EIF3B: variants seen among roughly 807,000 people sequenced by gnomAD.
The protein encoded by EIF3B is eukaryotic translation initiation factor 3 subunit B, also known as eukaryotic translation initiation factor 3 subunit 9.
Under a neutral mutation model 104.6 loss-of-function variants are expected in EIF3B, and 10 were observed. The ratio of observed to expected loss-of-function variants is 0.10; its 90% CI spans 0.06 to 0.16. EIF3B has a LOEUF of 0.16. Among genes scored for constraint, EIF3B ranks in the 10% least tolerant of loss-of-function variants. EIF3B has a pLI of 1.00. For synonymous variants in EIF3B, 542 were observed against 417.2 expected, an observed-to-expected ratio of 1.30 and a Z score of -3.65; for missense variants, 1,014 against 1,087.9, an observed-to-expected ratio of 0.93 and a Z score of 0.96.
rs755907098 is a variant in EIF3B at position 2,379,529 on chromosome 7, G to A, written c.*14+18G>A. On this transcript the variant is annotated intron_variant, in intron 18 of 18. Transcript: ENST00000360876. ...GCACTGTGGTGAGCGTCTGCAGGGG[G>A]CGCGATGGGGGTCCTGTTGGCTGCT... is the stretch of plus-strand genomic sequence containing the variant. The A allele has an allele frequency of 7.4e-6, 11 of 1,479,644 alleles. No homozygotes were observed. The African/African-American group carries it at 8.4e-5, about 11-fold the overall frequency. The allele number at this position is 1,479,644 out of a possible 1,614,324, so 91.7% of individuals were successfully genotyped here.
At chr7:2,367,926 C>A (rs568705456) in intron 9 of EIF3B, among the ~76,000 whole-genome samples, 1 of 133,394 alleles carries the variant, frequency 7.5e-6, no homozygotes, top group East Asian at 2.6e-4. Flanking sequence ...ACTGCAATTT[C>A]CACCTCCTGG....
At chr7:2,366,733 C>T in intron 8 of EIF3B, 142 bp downstream of exon 8, 3 of 983,760 alleles carry the variant, frequency 3.0e-6, no homozygotes, top group East Asian at 2.5e-5. Context: ...GCCTTTTTAA[C>T]TGCCCCTGCT....
At chr7:2,356,047 C>G (rs1779411487) in intron 1 of EIF3B, among the ~76,000 whole-genome samples, 4 of 152,148 alleles carry the variant, frequency 2.6e-5, no homozygotes, top group African/African-American at 9.7e-5. Flanking sequence ...TCATCTCAAC[C>G]TTGATTGGAT....
At chr7:2,354,658 C>G (rs569784120), upstream of EIF3B, among the ~76,000 whole-genome samples, 180 of 152,330 alleles carry the variant, frequency 1.2e-3, no homozygotes, top group Non-Finnish European at 2.4e-3. Context: ...TGCACAGAAA[C>G]AACCTTGCTG....
In EIF3B at chr7:2,375,411, G is replaced by C; in HGVS notation, c.1912G>C (p.Val638Leu). ...LRSMNGALAF[V>L]DTSDCTVMNI... is the part of the protein sequence containing the mutation. ...CAGTATGAACGGTGCCTTAGCGTTT[G>C]TGGACACTTCGGACTGCACGGTCAT... The change falls in exon 14 of 19, where the codon GTG (valine) becomes CTG (leucine). Residue 638 changes from valine to leucine, a missense_variant. This residue lies in a region of EIF3B where 266 missense variants were observed against 324.0 expected (regional missense o/e 0.82). Transcript: ENST00000360876. The C allele has an allele frequency of 6.2e-7, 1 of 1,614,216 alleles. No individual in the cohort carries two copies. Among genetic ancestry groups the C allele is most frequent in the Non-Finnish European group, 8.5e-7 (1 of 1,180,032 alleles).
intron 5 of EIF3B, 35 bp downstream of exon 5, chr7:2,363,795 C>T (rs1185233248): frequency 6.9e-6 from 11 of 1,601,212 alleles, no homozygotes; most frequent in African/African-American, 1.3e-5. Flanking sequence ...CGGGGACTCA[C>T]CTCTCCTGTA....
At position 2,366,772 on chromosome 7, in the gene EIF3B, C is replaced by G. The variant is rs891525128; in HGVS notation, c.1356+181C>G. ...GGCAGAGCTCTTCAGTCACTCCTGC[C>G]CACCTGGCGCAGCCGTGGGAAGTCC... is the stretch of plus-strand genomic sequence containing the variant. On this transcript the variant is annotated intron_variant, in intron 8 of 18. Coordinates refer to ENST00000360876, the MANE Select transcript of EIF3B (RefSeq NM_001037283.2). 3.7e-6 allele frequency: 3 copies of G among 813,258 alleles called. No individual in the cohort carries two copies. In the South Asian group the frequency reaches 5.3e-5, roughly 14 times the overall value. 50.4% of individuals were successfully genotyped at this position (813,258 alleles called of 1,614,324 possible).
chr7:2,363,619 C>A lies in EIF3B; in HGVS notation c.871-13C>A. On this transcript the variant is annotated splice_polypyrimidine_tract_variant and intron_variant, in intron 4 of 18. Transcript: ENST00000360876. ...ATTAATGAAATGTTATATTCCTTGT[C>A]TTTGTTTTTAAGGGGAACTTACGTT... is the stretch of plus-strand genomic sequence containing the variant. The A allele has an allele frequency of 6.3e-7, 1 of 1,591,788 alleles. No individual in the cohort carries two copies. The highest frequency in any genetic ancestry group is 8.5e-7 in the Non-Finnish European group (1 of 1,172,528).
Position 2,354,872 on chromosome 7 carries a change from G to C in EIF3B, c.-50G>C. The C allele has an allele frequency of 1.8e-6, 2 of 1,125,516 alleles. No homozygotes were observed. Among genetic ancestry groups the C allele is most frequent in the South Asian group, 3.6e-5 (1 of 27,870 alleles). 69.7% of individuals were successfully genotyped at this position (1,125,516 alleles called of 1,614,324 possible). A position where few individuals can be genotyped will look rare whatever the true frequency, so the allele number is the denominator to read the frequency against. ...GCGGCGCGCGGTGCGGCCTGGGAGA[G>C]TCGGAAGCGCGGCGGCCGCGGAGCC... is the stretch of plus-strand genomic sequence containing the variant. On this transcript the variant is annotated 5_prime_UTR_variant, in exon 1 of 19. Transcript: ENST00000360876.
Position 2,374,535 on chromosome 7 carries a change from C to G in EIF3B, c.1818C>G (p.Phe606Leu). 1 of 1,613,934 alleles carries G rather than the reference C, an allele frequency of 6.2e-7. No homozygotes were observed. The highest frequency in any genetic ancestry group is 8.5e-7 in the Non-Finnish European group (1 of 1,179,940). ...CGCGCTCTTTCCTTTCAGAGATGTT[C>G]GACAAGCAGCAGGCGAACACCATCT... Reference protein sequence around the residue: ...NNGKIELIKMFDKQQANTIFW... With the variant: ...NNGKIELIKMLDKQQANTIFW... Residue 606 changes from phenylalanine (F) to leucine (L), a missense_variant, in exon 13 of 19, where the codon TTC (phenylalanine) becomes TTG (leucine). Phe to Leu is a conservative substitution (Grantham distance 22). Coordinates refer to ENST00000360876, the MANE Select transcript of EIF3B (RefSeq NM_001037283.2).
At chr7:2,374,382 C>G (rs908253339) in intron 12 of EIF3B, 146 bp from the exon 13 acceptor site, 6 of 666,574 alleles carry the variant, frequency 9.0e-6, no homozygotes, top group African/African-American at 5.3e-5. Context: ...TGGCGATGGA[C>G]TTTGTAAAAT....
chr7:2,355,171 C>A lies in EIF3B; in HGVS notation c.250C>A (p.Pro84Thr). The A allele has an allele frequency of 6.8e-7, 1 of 1,460,902 alleles. No homozygotes were observed. The highest frequency in any genetic ancestry group is 9.0e-7 in the Non-Finnish European group (1 of 1,115,918). The allele number at this position is 1,460,902 out of a possible 1,614,324, so 90.5% of individuals were successfully genotyped here. Residue 84 changes from proline (P) to threonine (T), a missense_variant, in exon 1 of 19, where the codon CCC (proline) becomes ACC (threonine). By Grantham distance (38) the Pro-to-Thr change is conservative. Transcript: ENST00000360876. Reference protein sequence around the residue: ...AEAASGPSESPSPPAAEELPG... With the variant: ...AEAASGPSESTSPPAAEELPG... ...GGCGGCCTCCGGCCCGTCCGAGTCG[C>A]CCTCGCCGCCGGCCGCCGAGGAGCT...
In EIF3B at chr7:2,375,375, G is replaced by T. The variant is rs1316715244; in HGVS notation, c.1890-14G>T. On this transcript the variant is annotated splice_polypyrimidine_tract_variant and intron_variant, in intron 13 of 18. Transcript: ENST00000360876. ...CGTCTCCATGAAGCCTGACGGTCCTGTCTGTCTTTGCAGTATGAACGGTGC... is the reference window on the plus strand; with the variant it reads ...CGTCTCCATGAAGCCTGACGGTCCTTTCTGTCTTTGCAGTATGAACGGTGC... 1 of 1,613,700 alleles carries T rather than the reference G, an allele frequency of 6.2e-7. No homozygotes were observed. The highest frequency in any genetic ancestry group is 1.7e-5 in the Admixed American group (1 of 59,998).
At chr7:2,357,082 CAA>C (rs1779487083) in intron 1 of EIF3B, among the ~76,000 whole-genome samples, 2 of 152,132 alleles carry the variant, frequency 1.3e-5, no homozygotes, top group Admixed American at 6.6e-5. Flanking sequence ...GTTTAAAAAT[CAA>C]AACTTTTGGT....
In EIF3B at chr7:2,366,441, A is replaced by G. The variant is rs778245646; in HGVS notation, c.1282A>G (p.Ile428Val). The G allele has an allele frequency of 6.2e-6, 10 of 1,614,018 alleles. No individual in the cohort carries two copies. The South Asian group carries it at 8.8e-5, about 14-fold the overall frequency. The change falls in exon 7 of 19, where the codon ATT (isoleucine) becomes GTT (valine). Residue 428 changes from isoleucine (I) to valine (V), a missense_variant. By Grantham distance (29) the Ile-to-Val change is conservative (BLOSUM62 3). This residue lies in a region of EIF3B where 201 missense variants were observed against 240.7 expected (regional missense o/e 0.83). Transcript: ENST00000360876. ...CTGTGAGAGCTCAGCCCATTGGCCT[A>G]TTTTTAAGTAAGTGGACCATTGTAA... ...FHCESSAHWP[I>V]FKWSHDGKFF...
chr7:2,364,712 A>G (rs1300315297), intron 6 of EIF3B, among the ~76,000 whole-genome samples, 183 bp downstream of exon 6: 1 of 152,186 alleles, frequency 6.6e-6, no homozygotes, highest in Non-Finnish European at 1.5e-5. Flanking sequence ...CATCTCCTAT[A>G]CAGATATTTT....
chr7:2,377,128 T>G, intron 15 of EIF3B, 53 bp downstream of exon 15: 1 of 1,547,522 alleles, frequency 6.5e-7, no homozygotes, highest in Non-Finnish European at 8.7e-7. Flanking sequence ...ATTGTGGCGT[T>G]GAAAAGGTGT....
intron 1 of EIF3B, among the ~76,000 whole-genome samples, chr7:2,358,889 A>G (rs867500241): frequency 6.6e-6 from 1 of 152,180 alleles, no homozygotes; most frequent in Non-Finnish European, 1.5e-5. Context: ...TCATCACATC[A>G]AGAACAGCTT....
chr7:2,379,950 A>C, intron 18 of EIF3B: 1 of 252,096 alleles, frequency 4.0e-6, no homozygotes, highest in Non-Finnish European at 7.9e-6. Flanking sequence ...GGAGCTCCTG[A>C]GTCCTGGGGG....
Sources: gnomAD v4.1 joint callset for allele counts (sites outside exome capture counted in the v4.1 genomes callset) on GRCh38, gnomAD v4.1.1 for gene constraint, gnomAD v4.1.1 regional missense constraint, MANE v1.5 for transcripts, NCBI Gene and HGNC (gene_info 2026-07-23, HGNC 2026-07-21) for gene names.